The following MYO10 variants were observed in gnomAD, a reference collection of about 807,000 sequenced individuals.
MYO10 encodes myosin X.
In MYO10, 133 loss-of-function variants were observed where a neutral mutation model predicts 257.3. The ratio of observed to expected loss-of-function variants is 0.52; its 90% CI spans 0.45 to 0.60. MYO10 has a LOEUF of 0.60. MYO10 is among the 20% of genes least tolerant of loss of function. The pLI, the probability that MYO10 is intolerant of heterozygous loss-of-function variation, is 0.00. For missense variants in MYO10, 2,399 were observed against 2,635.7 expected, an observed-to-expected ratio of 0.91 and a Z score of 1.97; for synonymous variants, 1,104 against 1,028.6, an observed-to-expected ratio of 1.07 and a Z score of -1.40.
intron 2 of MYO10, among the ~76,000 whole-genome samples, chr5:16,876,061 C>A (rs571570584): frequency 2.0e-5 from 3 of 152,162 alleles, no homozygotes; most frequent in African/African-American, 7.2e-5. Context: ...TACAGTGAAC[C>A]AAGATGGTAC....
intron 1 of MYO10, among the ~76,000 whole-genome samples, chr5:16,906,877 C>T (rs1167686244): frequency 6.6e-6 from 1 of 152,022 alleles, no homozygotes; most frequent in African/African-American, 2.4e-5. Context: ...TTTGGGAGGC[C>T]GAGGCGGGTG....
At chr5:16,741,117 G>C (rs25894) in intron 19 of MYO10, among the ~76,000 whole-genome samples, 2,883 of 152,228 alleles carry the variant, frequency 0.019, 158 homozygotes, top group East Asian at 0.18. Flanking sequence ...CTCCATCGGG[G>C]GGAGGCAGAG....
chr5:16,865,011 G>A (rs2126749485), intron 2 of MYO10, among the ~76,000 whole-genome samples: 1 of 152,238 alleles, frequency 6.6e-6, no homozygotes, highest in Non-Finnish European at 1.5e-5. Flanking sequence ...TCAGAGGTGG[G>A]TATTTCCAGG....
chr5:16,921,157 ACGT>A (rs1745969796), intron 1 of MYO10, among the ~76,000 whole-genome samples: 2 of 151,632 alleles, frequency 1.3e-5, no homozygotes, highest in African/African-American at 4.8e-5. Context: ...AATAAAATAA[ACGT>A]ATACCAGAAT....
At chr5:16,801,436 T>C (rs960038312) in intron 3 of MYO10, among the ~76,000 whole-genome samples, 8 of 152,108 alleles carry the variant, frequency 5.3e-5, no homozygotes, top group African/African-American at 1.9e-4. Flanking sequence ...GCTCTCAAAC[T>C]CCTGGCTTCA....
intron 2 of MYO10, among the ~76,000 whole-genome samples, chr5:16,852,677 G>A (rs1332311545): frequency 6.6e-6 from 1 of 151,836 alleles, no homozygotes; most frequent in Non-Finnish European, 1.5e-5. Context: ...CCATACATGA[G>A]AAGCCCTCTT....
At chr5:16,861,546 T>G (rs555350611) in intron 2 of MYO10, among the ~76,000 whole-genome samples, 1 of 152,242 alleles carries the variant, frequency 6.6e-6, no homozygotes, top group South Asian at 2.1e-4. Flanking sequence ...CACTCCAGCC[T>G]GGGCAACAAG....
At chr5:16,699,649 T>C in intron 25 of MYO10, 76 bp from the exon 26 acceptor site, 1 of 1,589,380 alleles carries the variant, frequency 6.3e-7, no homozygotes, top group Non-Finnish European at 8.6e-7. Context: ...GCATGTATCA[T>C]CATTGAAAAA....
At chr5:16,743,642 C>CAA (rs756002457) in intron 19 of MYO10, among the ~76,000 whole-genome samples, 1 of 137,952 alleles carries the variant, frequency 7.2e-6, no homozygotes, top group Admixed American at 7.3e-5. Flanking sequence ...GACTCCATTG[C>CAA]AAAAAAAAAA....
At chr5:16,760,359 G>A (rs1381906537) in intron 17 of MYO10, among the ~76,000 whole-genome samples, 2 of 151,138 alleles carry the variant, frequency 1.3e-5, no homozygotes, top group Non-Finnish European at 2.9e-5. Context: ...TACTCGGGAG[G>A]CTGAGGCAGG....
chr5:16,891,320 A>AGGAAGGAAGGAAGG, intron 1 of MYO10, among the ~76,000 whole-genome samples: 1 of 88,106 alleles, frequency 1.1e-5, no homozygotes, highest in East Asian at 3.0e-4. Flanking sequence ...GGAGAAGAGA[A>AGGAAGGAAGGAAGG]AAGGAAGGAA....
intron 1 of MYO10, among the ~76,000 whole-genome samples, chr5:16,927,685 AG>A (rs1304355943): frequency 1.3e-5 from 2 of 152,188 alleles, no homozygotes; most frequent in Non-Finnish European, 2.9e-5. Context: ...AAGAGCAGGC[AG>A]GGAGTCGGAC....
chr5:16,824,982 T>G (rs116099286), intron 2 of MYO10, among the ~76,000 whole-genome samples: 1 of 152,200 alleles, frequency 6.6e-6, no homozygotes, highest in South Asian at 2.1e-4. Flanking sequence ...TTATATTCAT[T>G]CGTTTTTATT....
chr5:16,927,226 TAA>T (rs780393605), intron 1 of MYO10, among the ~76,000 whole-genome samples: 1 of 130,444 alleles, frequency 7.7e-6, no homozygotes, highest in South Asian at 2.7e-4. Context: ...TATGAAGGCA[TAA>T]AAAAAAAGTC....
At chr5:16,843,795 G>C (rs1313381663) in intron 2 of MYO10, among the ~76,000 whole-genome samples, 1 of 152,112 alleles carries the variant, frequency 6.6e-6, no homozygotes, top group African/African-American at 2.4e-5. Flanking sequence ...ACAGGCACAG[G>C]AAATGGAAAA....
At chr5:16,824,401 G>T (rs1742938810) in intron 2 of MYO10, among the ~76,000 whole-genome samples, 2 of 152,022 alleles carry the variant, frequency 1.3e-5, no homozygotes, top group Admixed American at 6.6e-5. Context: ...CATTAAATGG[G>T]CACAGACCAG....
chr5:16,663,354 TTTTTTTTTTTTTTA>T lies in MYO10; in HGVS notation c.*3324_*3337del, dbSNP rs1374152525. On this transcript the variant is annotated 3_prime_UTR_variant, in exon 41 of 41. Coordinates refer to ENST00000513610, the MANE Select transcript of MYO10 (RefSeq NM_012334.3). ...TTTTTTTTTTTTTTTTTTTTTTTTT[TTTTTTTTTTTTTTA>T]CAAATCACCTATATGTATTAGCTTT... 2 of 110,870 alleles carry T rather than the reference TTTTTTTTTTTTTTA, an allele frequency of 1.8e-5. No individual in the cohort carries two copies. Among genetic ancestry groups the T allele is most frequent in the African/African-American group, 3.2e-5 (1 of 30,824 alleles). 6.9% of individuals were successfully genotyped at this position (110,870 alleles called of 1,614,324 possible). A position where few individuals can be genotyped will look rare whatever the true frequency, so the allele number is the denominator to read the frequency against.
intron 1 of MYO10, among the ~76,000 whole-genome samples, chr5:16,921,379 G>A (rs943572393): frequency 6.6e-6 from 1 of 152,036 alleles, no homozygotes; most frequent in Non-Finnish European, 1.5e-5. Flanking sequence ...GTCTGAGAAC[G>A]GGGACCAATG....
intron 1 of MYO10, among the ~76,000 whole-genome samples, chr5:16,931,889 A>T (rs74716916): frequency 0.01 from 1,558 of 152,332 alleles, 10 homozygotes; most frequent in South Asian, 0.018. Flanking sequence ...TTTCTCTAAC[A>T]AGAAAAGATG....
Sources: gnomAD v4.1 joint callset for allele counts (sites outside exome capture counted in the v4.1 genomes callset) on GRCh38, gnomAD v4.1.1 for gene constraint, MANE v1.5 for transcripts, NCBI Gene and HGNC (gene_info 2026-07-23, HGNC 2026-07-21) for gene names.